Variants in GRTP1 observed in about 807,000 individuals in gnomAD.
The protein encoded by GRTP1 is growth hormone regulated TBC protein 1, also known as growth hormone-regulated TBC protein 1.
In GRTP1, 56 loss-of-function variants were observed where a neutral mutation model predicts 38.1. The observed-to-expected ratio is 1.47, with a 90% CI of 1.19 to 1.84. GRTP1 has a LOEUF of 1.84. Ranked by LOEUF, GRTP1 falls within the 40% of genes most tolerant of loss-of-function variation. GRTP1 has a pLI of 0.00. For missense variants in GRTP1, 506 were observed against 453.9 expected, an observed-to-expected ratio of 1.11 and a Z score of -1.04; for synonymous variants, 217 against 189.5, an observed-to-expected ratio of 1.14 and a Z score of -1.19.
chr13:113,360,882 G>A (rs1163554113), intron 2 of GRTP1, among the ~76,000 whole-genome samples: 1 of 152,144 alleles, frequency 6.6e-6, no homozygotes, highest in Non-Finnish European at 1.5e-5. Context: ...AGGCTGAGGT[G>A]GGCGGATCAC....
intron 5 of GRTP1, among the ~76,000 whole-genome samples, chr13:113,327,225 GGAATGTA>G (rs1445712795): frequency 6.6e-6 from 1 of 152,172 alleles, no homozygotes; most frequent in African/African-American, 2.4e-5. Flanking sequence ...CACCGAGGCT[GGAATGTA>G]GTGGCATGAT....
At chr13:113,333,853 G>T (rs1199262231) in intron 5 of GRTP1, among the ~76,000 whole-genome samples, 120 of 130,288 alleles carry the variant, frequency 9.2e-4, no homozygotes, top group African/African-American at 3.3e-3. Context: ...GTGTGTGTGT[G>T]TGTGTGTGTG....
intron 7 of GRTP1, 23 bp downstream of exon 7, chr13:113,325,638 G>C: frequency 6.2e-7 from 1 of 1,609,264 alleles, no homozygotes; most frequent in Non-Finnish European, 8.5e-7. Flanking sequence ...GGAGGGGACT[G>C]AGCCACGTGC....
chr13:113,325,118 C>G, intron 7 of GRTP1: 5 of 1,016,544 alleles, frequency 4.9e-6, no homozygotes, highest in Non-Finnish European at 5.9e-6. Context: ...GCGTGAGCCA[C>G]CGCGCCCGGC....
chr13:113,324,310 T>G lies in GRTP1; in HGVS notation c.*178A>C. ...AAAAGTATGACTTCATAGCTAATCATCAAAAGCTGGTAGAATGACCTGATT... is the reference window on the plus strand; with the variant it reads ...AAAAGTATGACTTCATAGCTAATCAGCAAAAGCTGGTAGAATGACCTGATT... On this transcript the variant is annotated 3_prime_UTR_variant, in exon 8 of 8. Transcript: ENST00000375431. 1.1e-6 allele frequency: 1 copy of G among 932,066 alleles called. No individual in the cohort carries two copies. The highest frequency in any genetic ancestry group is 1.5e-6 in the Non-Finnish European group (1 of 686,824). The allele number at this position is 932,066 out of a possible 1,614,324, so 57.7% of individuals were successfully genotyped here. A position where few individuals can be genotyped will look rare whatever the true frequency, so the allele number is the denominator to read the frequency against.
At chr13:113,335,469 T>G (rs1190885229) in intron 5 of GRTP1, among the ~76,000 whole-genome samples, 2 of 152,082 alleles carry the variant, frequency 1.3e-5, no homozygotes, top group African/African-American at 4.8e-5. Flanking sequence ...CACCCACATT[T>G]ACCATTTCTT....
chr13:113,352,176 C>T (rs1247002485), intron 3 of GRTP1, among the ~76,000 whole-genome samples: 1 of 145,922 alleles, frequency 6.9e-6, no homozygotes, highest in African/African-American at 2.5e-5. Flanking sequence ...CTATTTCAGA[C>T]TAGAGTGACC....
At chr13:113,360,921 G>A (rs909140927) in intron 2 of GRTP1, among the ~76,000 whole-genome samples, 2 of 152,008 alleles carry the variant, frequency 1.3e-5, no homozygotes, top group African/African-American at 4.8e-5. Flanking sequence ...GACCAGCCTG[G>A]CCAACAAGGC....
chr13:113,347,571 C>T (rs368983665), intron 4 of GRTP1, among the ~76,000 whole-genome samples: 17 of 75,836 alleles, frequency 2.2e-4, no homozygotes, highest in African/African-American at 4.7e-4. Flanking sequence ...AGAGCAGACC[C>T]AGGAGGACCT....
chr13:113,348,099 C>A lies in GRTP1; in HGVS notation c.465+2750G>T, dbSNP rs2043201631. 6.6e-6 allele frequency among the ~76,000 whole-genome samples: 1 copy of A among 152,150 alleles called. No homozygotes were observed. Among genetic ancestry groups the A allele is most frequent in the Admixed American group, 6.5e-5 (1 of 15,270 alleles). ...CTTTGAGTGGACAGTGCTACTGGACCTGGGAGAGGGCGACCATGTGGACAG... is the reference window on the plus strand; with the variant it reads ...CTTTGAGTGGACAGTGCTACTGGACATGGGAGAGGGCGACCATGTGGACAG... On this transcript the variant is annotated intron_variant, in intron 4 of 7. Transcript: ENST00000375431. The surrounding 1 kb of genome is among the most constrained non-coding windows in gnomAD (Gnocchi z 4.8).
intron 5 of GRTP1, among the ~76,000 whole-genome samples, chr13:113,335,295 T>C (rs898007563): frequency 6.6e-6 from 1 of 152,024 alleles, no homozygotes; most frequent in South Asian, 2.1e-4. Context: ...TGGTGGTGTG[T>C]GCCTGTAATC....
At chr13:113,326,752 T>C (rs909620787) in intron 5 of GRTP1, among the ~76,000 whole-genome samples, 4 of 152,192 alleles carry the variant, frequency 2.6e-5, no homozygotes, top group African/African-American at 9.6e-5. Context: ...CTAGCAGAAC[T>C]ATTTACAACA....
chr13:113,335,407 A>G (rs571027265), intron 5 of GRTP1, among the ~76,000 whole-genome samples: 51 of 146,822 alleles, frequency 3.5e-4, no homozygotes, highest in African/African-American at 1.3e-3. Flanking sequence ...TGAGAGACAG[A>G]GCGGGACTCT....
In GRTP1 at chr13:113,326,086, A is replaced by G; in HGVS notation, c.568T>C (p.Tyr190His). Reference sequence around the variant, plus strand: ...TTCAGGCCCAGCATGGCCGGGCTGTAGTAATCTGCCAGGCAATGTGGAGAA... The same window carrying G: ...TTCAGGCCCAGCATGGCCGGGCTGTGGTAATCTGCCAGGCAATGTGGAGAA... Reference protein sequence around the residue: ...ALVGRILPDYYSPAMLGLKTD... With the variant: ...ALVGRILPDYHSPAMLGLKTD... The change falls in exon 6 of 8, where the codon TAC becomes CAC. Residue 190 changes from tyrosine (Y) to histidine (H), a missense_variant. Physicochemically the swap from Tyr to His is moderately conservative, Grantham distance 83 (BLOSUM62 2). Coordinates refer to ENST00000375431, the MANE Select transcript of GRTP1 (RefSeq NM_024719.4). 1 of 1,608,410 alleles carries G rather than the reference A, an allele frequency of 6.2e-7. No homozygotes were observed. The highest frequency in any genetic ancestry group is 8.5e-7 in the Non-Finnish European group (1 of 1,179,920).
Position 113,326,006 on chromosome 13 carries a change from C to A in GRTP1, c.648G>T (p.Gly216=). 1 of 1,613,752 alleles carries A rather than the reference C, an allele frequency of 6.2e-7. No individual in the cohort carries two copies. Among genetic ancestry groups the A allele is most frequent in the Non-Finnish European group, 8.5e-7 (1 of 1,179,954 alleles). Residue 216 remains glycine (G), a synonymous_variant, in exon 6 of 8, where the codon GGG becomes GGT. Transcript: ENST00000375431. Reference sequence around the variant, plus strand: ...GCACACCGAGACGCTCCATCAGGGCCCCCACAGCCGGCAGCTTCGCCCGCA... The same window carrying A: ...GCACACCGAGACGCTCCATCAGGGCACCCACAGCCGGCAGCTTCGCCCGCA... ...ELVRAKLPAV[G]ALMERLGVLW...
chr13:113,325,311 C>G, intron 7 of GRTP1: 1 of 1,356,008 alleles, frequency 7.4e-7, no homozygotes, highest in Non-Finnish European at 9.5e-7. Context: ...CCACAACGCC[C>G]TCATCAGGAC....
intron 4 of GRTP1, among the ~76,000 whole-genome samples, chr13:113,347,273 CCCGGGAGGACCTCTGTGGCTGAGCGGAT>C (rs2043163847): frequency 1.3e-5 from 1 of 74,486 alleles, no homozygotes; most frequent in Non-Finnish European, 2.5e-5. Flanking sequence ...TGAGAGCAGA[CCCGGGAGGACCTCTGTGGCTGAGCGGAT>C]CTGGGAGGAC....
intron 3 of GRTP1, among the ~76,000 whole-genome samples, chr13:113,352,337 T>TTATATATATATTTTTATATATTTTATA (rs2043296110): frequency 3.9e-5 from 2 of 51,556 alleles, no homozygotes; most frequent in African/African-American, 7.3e-5. Context: ...TATATATATT[T>TTATATATATATTTTTATATATTTTATA]TATATATATA....
At position 113,364,054 on chromosome 13, in the gene GRTP1, G is replaced by T; in HGVS notation, c.-3C>A. 1 of 1,285,558 alleles carries T rather than the reference G, an allele frequency of 7.8e-7. No individual in the cohort carries two copies. Among genetic ancestry groups the T allele is most frequent in the Non-Finnish European group, 9.8e-7 (1 of 1,022,804 alleles). 79.6% of individuals were successfully genotyped at this position (1,285,558 alleles called of 1,614,324 possible). ...CGCGAGCGCTCGGCGGGCTGCATGC[G>T]GGGAGGGAGGCGCGCACCGAGCGAG... On this transcript the variant is annotated 5_prime_UTR_variant, in exon 1 of 8. Coordinates refer to ENST00000375431, the MANE Select transcript of GRTP1 (RefSeq NM_024719.4).
Sources: gnomAD v4.1 joint callset for allele counts (sites outside exome capture counted in the v4.1 genomes callset) on GRCh38, gnomAD v4.1.1 for gene constraint, Gnocchi (gnomAD v3.1) non-coding constraint, MANE v1.5 for transcripts, NCBI Gene and HGNC (gene_info 2026-07-23, HGNC 2026-07-21) for gene names.